Variants in ABHD12 observed in about 807,000 individuals in gnomAD.
ABHD12 encodes lysophosphatidylserine lipase ABHD12.
ABHD12 carries 43 observed loss-of-function variants against 58.3 expected under a neutral mutation model. The observed-to-expected ratio is 0.74, with a 90% CI of 0.58 to 0.95. ABHD12 has a LOEUF of 0.95. Ranked by LOEUF, ABHD12 falls within the 40% of genes least tolerant of loss-of-function variation. ABHD12 has a pLI of 0.00. For synonymous variants in ABHD12, 219 were observed against 211.2 expected (o/e 1.04, Z -0.32); for missense variants, 539 against 537.2 (o/e 1.00, Z -0.03).
At position 25,295,182 on chromosome 20, in the gene ABHD12, A is replaced by T. The variant is rs1600747392; in HGVS notation, c.1158-152T>A. 4 of 838,912 alleles carry T rather than the reference A, an allele frequency of 4.8e-6. No homozygotes were observed. In the African/African-American group the frequency reaches 6.6e-5, roughly 14 times the overall value. 52.0% of individuals were successfully genotyped at this position (838,912 alleles called of 1,614,324 possible). On this transcript the variant is annotated intron_variant, in intron 12 of 12. Coordinates refer to the ABHD12 transcript ENST00000376542. ...AACTGCAAGTCAGTATTTCCTGTGT[A>T]GGCAAATCCCAGTTAGACTTAAGAC...
chr20:25,357,565 C>T (rs115889702), intron 1 of ABHD12, among the ~76,000 whole-genome samples: 1,828 of 152,198 alleles, frequency 0.012, 40 homozygotes, highest in African/African-American at 0.042. Flanking sequence ...TTCTTAAACA[C>T]AACTTGGACC....
intron 1 of ABHD12, among the ~76,000 whole-genome samples, chr20:25,381,526 G>T (rs1276736434): frequency 6.6e-6 from 1 of 152,032 alleles, no homozygotes; most frequent in Non-Finnish European, 1.5e-5. Flanking sequence ...GACCCTATAT[G>T]CACGACTGGC....
intron 1 of ABHD12, chr20:25,339,892 C>T (rs367846724): frequency 6.7e-5 from 46 of 688,132 alleles, no homozygotes; most frequent in Middle Eastern, 6.0e-4. Flanking sequence ...TACGCGTGGG[C>T]GAGCCCCTCT....
At chr20:25,353,157 T>C (rs2089623545) in intron 1 of ABHD12, among the ~76,000 whole-genome samples, 1 of 152,152 alleles carries the variant, frequency 6.6e-6, no homozygotes, top group Non-Finnish European at 1.5e-5. Context: ...ATTGAATCTC[T>C]AAGTAATACC....
intron 1 of ABHD12, among the ~76,000 whole-genome samples, chr20:25,348,333 AG>A: frequency 6.6e-6 from 1 of 152,124 alleles, no homozygotes; most frequent in East Asian, 1.9e-4. Flanking sequence ...ATACAAAATC[AG>A]GGATCAAAAA....
chr20:25,312,256 C>T (rs2088862863), intron 6 of ABHD12, among the ~76,000 whole-genome samples: 1 of 152,220 alleles, frequency 6.6e-6, no homozygotes. Context: ...CTGCCGCCAT[C>T]TCGGCTCACT....
At chr20:25,369,196 A>G (rs1406484844) in intron 1 of ABHD12, among the ~76,000 whole-genome samples, 2 of 152,090 alleles carry the variant, frequency 1.3e-5, no homozygotes, top group Non-Finnish European at 2.9e-5. Context: ...CATTTCCCCA[A>G]TGGATTAGTA....
chr20:25,348,857 C>T (rs1014619892), intron 1 of ABHD12, among the ~76,000 whole-genome samples: 6 of 151,918 alleles, frequency 3.9e-5, no homozygotes, highest in South Asian at 2.1e-4. Context: ...CCGAGATGGG[C>T]GGATCACGAG....
chr20:25,316,765 C>CA (rs58766767), intron 5 of ABHD12, among the ~76,000 whole-genome samples: 1 of 152,128 alleles, frequency 6.6e-6, no homozygotes, highest in Non-Finnish European at 1.5e-5. Context: ...CTCATTTCTA[C>CA]AAAAAAACAA....
At chr20:25,336,608 C>T (rs543556211) in intron 2 of ABHD12, among the ~76,000 whole-genome samples, 2 of 152,296 alleles carry the variant, frequency 1.3e-5, no homozygotes, top group Admixed American at 6.5e-5. Flanking sequence ...TGCAGGGCCA[C>T]GCCACAGACC....
Position 25,390,688 on chromosome 20 carries a change from C to G in ABHD12, c.16G>C (p.Glu6Gln), listed in dbSNP as rs1489197405. Reference protein sequence around the residue: MRKRTEPVALEHERCA... With the variant: MRKRTQPVALEHERCA... ...CGCTCATGCTCCAAGGCGACGGGCT[C>G]GGTCCGCTTCCTCATCCCGCGGCCG... The change falls in exon 1 of 13, where the codon GAG becomes CAG. Residue 6 changes from glutamate (E) to glutamine (Q), a missense_variant. Coordinates refer to ENST00000339157, the MANE Select transcript of ABHD12 (RefSeq NM_001042472.3). 1.9e-5 allele frequency: 27 copies of G among 1,410,930 alleles called. No individual in the cohort carries two copies. The highest frequency in any genetic ancestry group is 2.5e-5 in the Non-Finnish European group (27 of 1,082,150). 87.4% of individuals were successfully genotyped at this position (1,410,930 alleles called of 1,614,324 possible). A position where few individuals can be genotyped will look rare whatever the true frequency, so the allele number is the denominator to read the frequency against.
intron 1 of ABHD12, among the ~76,000 whole-genome samples, chr20:25,389,034 G>C (rs1219975769): frequency 2.0e-5 from 3 of 151,994 alleles, no homozygotes; most frequent in Non-Finnish European, 4.4e-5. Flanking sequence ...TCGAACTCCT[G>C]ACCTCTGATA....
intron 1 of ABHD12, among the ~76,000 whole-genome samples, chr20:25,385,309 C>T (rs1436268707): frequency 1.8e-5 from 2 of 109,938 alleles, no homozygotes; most frequent in African/African-American, 3.5e-5. Flanking sequence ...TGCACTCCAA[C>T]CTGGACAACA....
chr20:25,372,273 A>G (rs1455987330), intron 1 of ABHD12, among the ~76,000 whole-genome samples: 1 of 151,702 alleles, frequency 6.6e-6, no homozygotes, highest in Non-Finnish European at 1.5e-5. Context: ...GCTTAAGTGC[A>G]GTCTCCACCT....
chr20:25,372,779 C>A (rs1045115576), intron 1 of ABHD12, among the ~76,000 whole-genome samples: 3 of 152,210 alleles, frequency 2.0e-5, no homozygotes, highest in Non-Finnish European at 4.4e-5. Context: ...GCATTACTCA[C>A]ATTTGTGGTG....
chr20:25,314,782 T>C, intron 6 of ABHD12, 143 bp downstream of exon 6: 1 of 938,598 alleles, frequency 1.1e-6, no homozygotes, highest in Non-Finnish European at 1.7e-6. Flanking sequence ...ATCAGGGTCT[T>C]TGTCAGGACC....
At position 25,383,927 on chromosome 20, in the gene ABHD12, C is replaced by T. The variant is rs1184831284; in HGVS notation, c.191+6586G>A. On this transcript the variant is annotated intron_variant, in intron 1 of 12. Coordinates refer to ENST00000339157, the MANE Select transcript of ABHD12 (RefSeq NM_001042472.3). ...CCGAGATCACGCCACTGCCCTCCAG[C>T]CTGGGCAACAGAGGGAGACTCTTTC... Among the ~76,000 whole-genome samples, 14 of 144,224 alleles carry T rather than the reference C, an allele frequency of 9.7e-5. No individual in the cohort carries two copies. In the Admixed American group the frequency reaches 1.0e-3, roughly 11 times the overall value. 94.6% of individuals were successfully genotyped at this position (144,224 alleles called of 152,430 possible).
At position 25,300,259 on chromosome 20, in the gene ABHD12, C is replaced by T; in HGVS notation, c.*586G>A. The T allele has an allele frequency of 9.9e-7, 1 of 1,009,784 alleles. No homozygotes were observed. Among genetic ancestry groups the T allele is most frequent in the Non-Finnish European group, 1.2e-6 (1 of 843,632 alleles). 62.6% of individuals were successfully genotyped at this position (1,009,784 alleles called of 1,614,324 possible). A position where few individuals can be genotyped will look rare whatever the true frequency, so the allele number is the denominator to read the frequency against. ...TCTTAAATAAAGCTCAGTCTAAGGC[C>T]AGGTTAGGTGTACAGGTAGGTGAAA... On this transcript the variant is annotated 3_prime_UTR_variant, in exon 13 of 13. Transcript: ENST00000339157.
intron 1 of ABHD12, among the ~76,000 whole-genome samples, chr20:25,373,450 G>A (rs2089923237): frequency 6.6e-6 from 1 of 152,030 alleles, no homozygotes; most frequent in Admixed American, 6.6e-5. Flanking sequence ...GGGGGGCTGA[G>A]GCAGGAGAAT....
Sources: allele counts gnomAD v4.1 joint callset (sites outside exome capture counted in the v4.1 genomes callset), GRCh38; gene constraint gnomAD v4.1.1; transcripts MANE v1.5; gene names NCBI Gene and HGNC (gene_info 2026-07-23, HGNC 2026-07-21).